The following ADAM17 variants were observed in gnomAD, a reference collection of about 807,000 sequenced individuals.
ADAM17 encodes ADAM metallopeptidase domain 17.
A neutral mutation model predicts 96.7 loss-of-function variants in ADAM17; 39 were observed. The ratio of observed to expected loss-of-function variants is 0.40; its 90% CI spans 0.31 to 0.53. ADAM17 has a LOEUF of 0.53. ADAM17 is among the 20% of genes least tolerant of loss of function. ADAM17 has a pLI of 0.44. For synonymous variants in ADAM17, 344 were observed against 359.2 expected, an observed-to-expected ratio of 0.96 and a Z score of 0.48; for missense variants, 777 against 1,013.2, an observed-to-expected ratio of 0.77 and a Z score of 3.17.
At position 9,490,513 on chromosome 2, in the gene ADAM17, G is replaced by A. The variant is rs767287511; in HGVS notation, c.2139C>T (p.Val713=). The change falls in exon 19 of 19, where the codon GTC becomes GTT. Residue 713 remains valine, a synonymous_variant. Transcript: ENST00000310823. The stretch of plus-strand genomic sequence containing the variant: ...CAGAATCCATGCTGCTCAGCATTTC[G>A]ACGTTCTGCAAAGACATGGGTTCAA... The part of the protein sequence containing the change: ...ESLSLFHPSN[V]EMLSSMDSAS... The A allele has an allele frequency of 9.3e-6, 15 of 1,610,336 alleles. No individual in the cohort carries two copies. In the South Asian group the frequency reaches 1.4e-4, roughly 15 times the overall value.
At position 9,518,240 on chromosome 2, in the gene ADAM17, C is replaced by T; in HGVS notation, c.965G>A (p.Ser322Asn). 4 of 937,638 alleles carry T rather than the reference C, an allele frequency of 4.3e-6. No homozygotes were observed. The highest frequency in any genetic ancestry group is 5.7e-6 in the Non-Finnish European group (4 of 704,764). 58.1% of individuals were successfully genotyped at this position (937,638 alleles called of 1,614,324 possible). A position where few individuals can be genotyped will look rare whatever the true frequency, so the allele number is the denominator to read the frequency against. Residue 322 changes from serine to asparagine, a missense_variant, in exon 9 of 19, where the codon AGC (serine) becomes AAC (asparagine). Physicochemically the swap from Ser to Asn is conservative, Grantham distance 46. Coordinates refer to ENST00000310823, the MANE Select transcript of ADAM17 (RefSeq NM_003183.6). ...WDVKMLLEQF[S>N]FDIAEEASKV... ...AGATGCTTCCTCAGCTATATCAAAG[C>T]TAAATTGCTTTGAAAGACCAAAAAA...
At chr2:9,528,496 C>A (rs558582432) in intron 4 of ADAM17, among the ~76,000 whole-genome samples, 1 of 152,314 alleles carries the variant, frequency 6.6e-6, no homozygotes, top group East Asian at 1.9e-4. Context: ...AACCTTATTA[C>A]TTGTTTCAGC....
chr2:9,537,727 G>GA (rs1172340759), intron 2 of ADAM17, among the ~76,000 whole-genome samples: 79 of 139,486 alleles, frequency 5.7e-4, no homozygotes, highest in Middle Eastern at 3.7e-3. Flanking sequence ...CTCAAAATAA[G>GA]AAAAAAAAAA....
chr2:9,540,565 C>A (rs552599793), intron 2 of ADAM17, among the ~76,000 whole-genome samples: 1 of 151,792 alleles, frequency 6.6e-6, no homozygotes, highest in African/African-American at 2.4e-5. Context: ...GACATAAAAT[C>A]GAATAAAAAG....
chr2:9,534,635 C>T (rs981169605), intron 4 of ADAM17, among the ~76,000 whole-genome samples: 16 of 152,180 alleles, frequency 1.1e-4, no homozygotes, highest in African/African-American at 3.4e-4. Flanking sequence ...TGAAGACAAA[C>T]TGTACATATT....
chr2:9,517,853 T>C (rs775990297), intron 10 of ADAM17, 48 bp downstream of exon 10: 3 of 1,285,996 alleles, frequency 2.3e-6, no homozygotes, highest in Non-Finnish European at 3.2e-6. Context: ...ACTGAGGTTC[T>C]ACTACAATAA....
chr2:9,521,369 C>T, intron 7 of ADAM17, 53 bp from the exon 8 acceptor site: 1 of 1,215,328 alleles, frequency 8.2e-7, no homozygotes, highest in Non-Finnish European at 1.2e-6. Context: ...AGTCAGAAGG[C>T]TCTGAATACT....
At chr2:9,502,806 G>A (rs1368198727) in intron 12 of ADAM17, among the ~76,000 whole-genome samples, 1 of 146,818 alleles carries the variant, frequency 6.8e-6, no homozygotes, top group Non-Finnish European at 1.5e-5. Context: ...CTGGACCCCG[G>A]AGACAGAGGT....
At chr2:9,524,223 C>T (rs1034543565) in intron 6 of ADAM17, among the ~76,000 whole-genome samples, 1 of 152,042 alleles carries the variant, frequency 6.6e-6, no homozygotes, top group African/African-American at 2.4e-5. Context: ...ATACAGTGGC[C>T]GGGCATAGTG....
intron 1 of ADAM17, among the ~76,000 whole-genome samples, chr2:9,547,626 C>G (rs1247007437): frequency 1.3e-5 from 2 of 152,154 alleles, no homozygotes; most frequent in Non-Finnish European, 1.5e-5. Context: ...AATGAGGCTA[C>G]AGTGCAGAGC....
intron 8 of ADAM17, 149 bp from the exon 9 acceptor site, chr2:9,518,396 C>T: frequency 2.0e-6 from 2 of 1,005,138 alleles, no homozygotes; most frequent in Non-Finnish European, 2.7e-6. Context: ...CAACCTCGTG[C>T]AGTGCTTTGC....
At chr2:9,497,353 A>C in intron 13 of ADAM17, 105 bp from the exon 14 acceptor site, 2 of 1,443,336 alleles carry the variant, frequency 1.4e-6, no homozygotes, top group Non-Finnish European at 1.9e-6. Flanking sequence ...CTTACCTTGC[A>C]AAAGCAAAAA....
At chr2:9,499,817 C>T (rs1334201083) in intron 13 of ADAM17, among the ~76,000 whole-genome samples, 1 of 152,166 alleles carries the variant, frequency 6.6e-6, no homozygotes, top group African/African-American at 2.4e-5. Context: ...CAAAATAGGA[C>T]ACAACTTCAT....
chr2:9,555,466 G>C, intron 1 of ADAM17, 43 bp downstream of exon 1: 2 of 1,496,156 alleles, frequency 1.3e-6, no homozygotes, highest in East Asian at 2.5e-5. Flanking sequence ...CCTCAAACGA[G>C]CGCTCCAGGC....
chr2:9,511,450 T>TA (rs150180716), intron 10 of ADAM17, among the ~76,000 whole-genome samples: 1,646 of 145,936 alleles, frequency 0.011, 27 homozygotes, highest in African/African-American at 0.039. Context: ...AACTCTATCT[T>TA]AAAAAAAAAA....
In ADAM17 at chr2:9,517,975, C is replaced by G; in HGVS notation, c.1117G>C (p.Val373Leu). 1 of 1,602,948 alleles carries G rather than the reference C, an allele frequency of 6.2e-7. No homozygotes were observed. Reference protein sequence around the residue: ...GVCPKAYYSPVGKKNIYLNSG... With the variant: ...GVCPKAYYSPLGKKNIYLNSG... ...TTCAAATAGATATTTTTCTTCCCAA[C>G]TGGGCTATAATAAGCTAAAGTCAAA... Residue 373 changes from valine to leucine, a missense_variant, in exon 10 of 19, where the codon GTT (valine) becomes CTT (leucine). Physicochemically the swap from Val to Leu is conservative, Grantham distance 32. Transcript: ENST00000310823.
At chr2:9,545,241 G>A in intron 1 of ADAM17, among the ~76,000 whole-genome samples, 1 of 152,098 alleles carries the variant, frequency 6.6e-6, no homozygotes, top group East Asian at 1.9e-4. Flanking sequence ...GTTTAACAAG[G>A]CTTCCAGGCA....
chr2:9,497,191 T>G lies in ADAM17; in HGVS notation c.1706A>C (p.Asp569Ala). 1 of 1,614,214 alleles carries G rather than the reference T, an allele frequency of 6.2e-7. No individual in the cohort carries two copies. Among genetic ancestry groups the G allele is most frequent in the Non-Finnish European group, 8.5e-7 (1 of 1,180,036 alleles). ...TTTCCCATCCTTACACTTGCCAAGATCCAAGCAAACAGTGTCATCTTCAGC... is the reference window on the plus strand; with the variant it reads ...TTTCCCATCCTTACACTTGCCAAGAGCCAAGCAAACAGTGTCATCTTCAGC... ...GNAEDDTVCL[D>A]LGKCKDGKCI... The change falls in exon 14 of 19, where the codon GAT (aspartate) becomes GCT (alanine). Residue 569 changes from aspartate to alanine, a missense_variant. Asp to Ala is a moderately radical substitution (Grantham distance 126). Coordinates refer to ENST00000310823, the MANE Select transcript of ADAM17 (RefSeq NM_003183.6).
chr2:9,492,214 G>A (rs1425907414), intron 17 of ADAM17, among the ~76,000 whole-genome samples: 2 of 152,222 alleles, frequency 1.3e-5, no homozygotes, highest in African/African-American at 4.8e-5. Context: ...CTGGAAGCCT[G>A]GGTGTGACTT....
Sources: allele counts gnomAD v4.1 joint callset (sites outside exome capture counted in the v4.1 genomes callset), GRCh38; gene constraint gnomAD v4.1.1; transcripts MANE v1.5; gene names NCBI Gene and HGNC (gene_info 2026-07-23, HGNC 2026-07-21).